Variants in SLC39A3 observed in about 807,000 individuals in gnomAD.
The protein encoded by SLC39A3 is zinc transporter ZIP3.
SLC39A3 carries 3 observed loss-of-function variants against 5.1 expected under a neutral mutation model. That is an observed-to-expected ratio of 0.59 (90% CI 0.27 to 1.54). SLC39A3 has a LOEUF of 1.54. SLC39A3 is among the 40% of genes most tolerant of loss of function. The probability of loss-of-function intolerance (pLI) is 0.12; values close to 1 mark genes in which losing one functional copy is unlikely to be tolerated. For synonymous variants in SLC39A3, 250 were observed against 218.8 expected, an observed-to-expected ratio of 1.14 and a Z score of -1.26; for missense variants, 412 against 436.4, an observed-to-expected ratio of 0.94 and a Z score of 0.50.
intron 1 of SLC39A3, among the ~76,000 whole-genome samples, chr19:2,738,402 A>T (rs1373926913): frequency 1.3e-5 from 2 of 151,960 alleles, no homozygotes; most frequent in African/African-American, 4.8e-5. Context: ...CCCGAAATAA[A>T]GTCTAAACTC....
chr19:2,739,183 G>A (rs963984450), intron 1 of SLC39A3, among the ~76,000 whole-genome samples: 1 of 150,292 alleles, frequency 6.7e-6, no homozygotes, highest in African/African-American at 2.5e-5. Flanking sequence ...TGTACCCGCC[G>A]GAAGGCCTGC....
chr19:2,737,467 G>A (rs1914408114), intron 1 of SLC39A3, 88 bp from the exon 2 acceptor site: 2 of 861,660 alleles, frequency 2.3e-6, no homozygotes, highest in Non-Finnish European at 1.7e-6. Context: ...CCAGGCTGGA[G>A]TGCAATGGTG....
chr19:2,739,055 G>A lies in SLC39A3; in HGVS notation c.-123+890C>T, dbSNP rs145469576. 1.1e-3 allele frequency among the ~76,000 whole-genome samples: 153 copies of A among 136,304 alleles called. 1 individual carries two copies. The East Asian group carries it at 0.032, about 29-fold the overall frequency. 89.4% of individuals were successfully genotyped at this position (136,304 alleles called of 152,430 possible). On this transcript the variant is annotated intron_variant, in intron 1 of 2. Coordinates refer to ENST00000269740, the MANE Select transcript of SLC39A3 (RefSeq NM_144564.5). ...GTGGAGCTTGCAGTGAGCCGAGATC[G>A]CGCCATTGTACTCCAGCCTGGGCTG... is the stretch of plus-strand genomic sequence containing the variant.
At chr19:2,737,462 C>A (rs1377659692) in intron 1 of SLC39A3, 83 bp from the exon 2 acceptor site, 7 of 991,274 alleles carry the variant, frequency 7.1e-6, no homozygotes, top group South Asian at 1.8e-5. Flanking sequence ...TGTTGCCAGG[C>A]TGGAGTGCAA....
Position 2,733,015 on chromosome 19 carries a change from C to A in SLC39A3, c.681G>T (p.Arg227=), listed in dbSNP as rs749216889. The A allele has an allele frequency of 6.2e-7, 1 of 1,602,442 alleles. No homozygotes were observed. ...ISMARSAMPL[R]DAAKLAVTVS... ...CGGTGACCGCCAGCTTGGCCGCGTCCCGCAGGGGCATGGCACTCCGGGCCA... is the reference window on the plus strand; with the variant it reads ...CGGTGACCGCCAGCTTGGCCGCGTCACGCAGGGGCATGGCACTCCGGGCCA... The change falls in exon 3 of 3, where the codon CGG becomes CGT. Residue 227 remains arginine (R), a synonymous_variant. Transcript: ENST00000269740. This position sits in a 1 kb window ranked among gnomAD's most constrained non-coding sequence, Gnocchi z 6.1.
chr19:2,734,815 C>T lies in SLC39A3; in HGVS notation c.211-1330G>A. Reference sequence around the variant, plus strand: ...ACTTAACTCCCTCACTGACCACCGGCTGGAGGCCTCATGCATGCCTCGCTT... The same window carrying T: ...ACTTAACTCCCTCACTGACCACCGGTTGGAGGCCTCATGCATGCCTCGCTT... On this transcript the variant is annotated intron_variant, in intron 2 of 2. Transcript: ENST00000269740. This position sits in a 1 kb window ranked among gnomAD's most constrained non-coding sequence, Gnocchi z 4.6. 1.0e-6 allele frequency: 1 copy of T among 985,518 alleles called. No individual in the cohort carries two copies. Among genetic ancestry groups the T allele is most frequent in the Non-Finnish European group, 1.2e-6 (1 of 829,974 alleles). 61.0% of individuals were successfully genotyped at this position (985,518 alleles called of 1,614,324 possible).
chr19:2,734,211 G>A lies in SLC39A3; in HGVS notation c.211-726C>T, dbSNP rs1357025607. ...CGCCAGGATGAAATGTCTCATGAAA[G>A]GCAGGCTGTAAACGCCCACAACAGC... On this transcript the variant is annotated intron_variant, in intron 2 of 2. Coordinates refer to ENST00000269740, the MANE Select transcript of SLC39A3 (RefSeq NM_144564.5). This position sits in a 1 kb window ranked among gnomAD's most constrained non-coding sequence, Gnocchi z 4.6. Among the ~76,000 whole-genome samples the A allele has an allele frequency of 1.3e-5, 2 of 152,244 alleles. No individual in the cohort carries two copies. The highest frequency in any genetic ancestry group is 4.8e-5 in the African/African-American group (2 of 41,454).
rs769054198 is a variant in SLC39A3 at position 2,737,179 on chromosome 19, C to A, written c.79G>T (p.Val27Leu). 2 of 1,614,122 alleles carry A rather than the reference C, an allele frequency of 1.2e-6. No individual in the cohort carries two copies. The highest frequency in any genetic ancestry group is 1.7e-6 in the Non-Finnish European group (2 of 1,180,024). The change falls in exon 2 of 3, where the codon GTG becomes TTG. Residue 27 changes from valine (V) to leucine (L), a missense_variant. By Grantham distance (32) the Val-to-Leu change is conservative (BLOSUM62 1). Coordinates refer to ENST00000269740, the MANE Select transcript of SLC39A3 (RefSeq NM_144564.5). Reference sequence around the variant, plus strand: ...TCAAAATCTGTCTCGATGATCTTCACGGGGAGCAGGGAGCCGAGCAGCATG... The same window carrying A: ...TCAAAATCTGTCTCGATGATCTTCAAGGGGAGCAGGGAGCCGAGCAGCATG... ...FFMLLGSLLP[V>L]KIIETDFEKA...
chr19:2,738,766 G>A (rs112907816), intron 1 of SLC39A3, among the ~76,000 whole-genome samples: 2,764 of 152,116 alleles, frequency 0.018, 79 homozygotes, highest in African/African-American at 0.063. Flanking sequence ...GTGAAACACT[G>A]TCTCTACTAA....
Position 2,734,682 on chromosome 19 carries a change from C to A in SLC39A3, c.211-1197G>T. On this transcript the variant is annotated intron_variant, in intron 2 of 2. Transcript: ENST00000269740. This position sits in a 1 kb window ranked among gnomAD's most constrained non-coding sequence, Gnocchi z 4.6. ...CCCACTCCAGGCCAGGAGCACCCCCCATCGTGACAACCACAATGTCCCCAG... is the reference window on the plus strand; with the variant it reads ...CCCACTCCAGGCCAGGAGCACCCCCAATCGTGACAACCACAATGTCCCCAG... 4 of 960,366 alleles carry A rather than the reference C, an allele frequency of 4.2e-6. No homozygotes were observed. Among genetic ancestry groups the A allele is most frequent in the Non-Finnish European group, 5.0e-6 (4 of 807,294 alleles). 59.5% of individuals were successfully genotyped at this position (960,366 alleles called of 1,614,324 possible). A position where few individuals can be genotyped will look rare whatever the true frequency, so the allele number is the denominator to read the frequency against.
Position 2,737,175 on chromosome 19 carries a change from T to C in SLC39A3, c.83A>G (p.Lys28Arg). Residue 28 changes from lysine (K) to arginine (R), a missense_variant, in exon 2 of 3, where the codon AAG (lysine) becomes AGG (arginine). Coordinates refer to ENST00000269740, the MANE Select transcript of SLC39A3 (RefSeq NM_144564.5). Reference sequence around the variant, plus strand: ...CTTCTCAAAATCTGTCTCGATGATCTTCACGGGGAGCAGGGAGCCGAGCAG... The same window carrying C: ...CTTCTCAAAATCTGTCTCGATGATCCTCACGGGGAGCAGGGAGCCGAGCAG... ...FMLLGSLLPVKIIETDFEKAH... is the reference protein window; with the variant it reads ...FMLLGSLLPVRIIETDFEKAH... 6.2e-7 allele frequency: 1 copy of C among 1,614,132 alleles called. No individual in the cohort carries two copies. The highest frequency in any genetic ancestry group is 8.5e-7 in the Non-Finnish European group (1 of 1,180,038).
In SLC39A3 at chr19:2,737,264, G is replaced by A. The variant is rs368717950; in HGVS notation, c.-7C>T. The A allele has an allele frequency of 3.8e-5, 61 of 1,605,590 alleles. 1 individual carries two copies. Among genetic ancestry groups the A allele is most frequent in the Non-Finnish European group, 4.5e-5 (53 of 1,175,966 alleles). On this transcript the variant is annotated 5_prime_UTR_variant, in exon 2 of 3. Coordinates refer to ENST00000269740, the MANE Select transcript of SLC39A3 (RefSeq NM_144564.5). ...CCACTAGCAATTTCACCATGGTGGCGGCTTGGGCTGCTCTGGTCACTGCAG... is the reference window on the plus strand; with the variant it reads ...CCACTAGCAATTTCACCATGGTGGCAGCTTGGGCTGCTCTGGTCACTGCAG...
chr19:2,736,133 G>T (rs1226912504), intron 2 of SLC39A3: 6 of 985,394 alleles, frequency 6.1e-6, no homozygotes, highest in East Asian at 1.1e-4. Flanking sequence ...CTGCTGATAT[G>T]GGGGAGCTCA....
chr19:2,738,408 A>G (rs1914445241), intron 1 of SLC39A3, among the ~76,000 whole-genome samples: 1 of 151,818 alleles, frequency 6.6e-6, no homozygotes, highest in African/African-American at 2.4e-5. Flanking sequence ...ATAAAGTCTA[A>G]ACTCTGTACC....
chr19:2,734,681 C>T lies in SLC39A3; in HGVS notation c.211-1196G>A, dbSNP rs941139490. 2 of 957,866 alleles carry T rather than the reference C, an allele frequency of 2.1e-6. No homozygotes were observed. Among genetic ancestry groups the T allele is most frequent in the Non-Finnish European group, 2.5e-6 (2 of 804,798 alleles). The allele number at this position is 957,866 out of a possible 1,614,324, so 59.3% of individuals were successfully genotyped here. The stretch of plus-strand genomic sequence containing the variant: ...ACCCACTCCAGGCCAGGAGCACCCC[C>T]CATCGTGACAACCACAATGTCCCCA... On this transcript the variant is annotated intron_variant, in intron 2 of 2. Coordinates refer to ENST00000269740, the MANE Select transcript of SLC39A3 (RefSeq NM_144564.5). This position sits in a 1 kb window ranked among gnomAD's most constrained non-coding sequence, Gnocchi z 4.6.
rs572938432 is a variant in SLC39A3 at position 2,732,550 on chromosome 19, A to C, written c.*201T>G. The C allele has an allele frequency of 2.8e-6, 4 of 1,427,736 alleles. No individual in the cohort carries two copies. The African/African-American group carries it at 4.3e-5, about 15-fold the overall frequency. 88.4% of individuals were successfully genotyped at this position (1,427,736 alleles called of 1,614,324 possible). A position where few individuals can be genotyped will look rare whatever the true frequency, so the allele number is the denominator to read the frequency against. ...TTGGTAAAGACTTTTAAGAGAAAGA[A>C]GTATTTTAAAAAGTAGCAGTGCTCT... is the stretch of plus-strand genomic sequence containing the variant. On this transcript the variant is annotated 3_prime_UTR_variant, in exon 3 of 3. Transcript: ENST00000269740.
Position 2,733,759 on chromosome 19 carries a change from T to C in SLC39A3, c.211-274A>G, listed in dbSNP as rs1038071265. ...GAGTTCGAGACCAGCCTGGCCAATA[T>C]GGGGAAACATGTTTCTACTAAAAAT... On this transcript the variant is annotated intron_variant, in intron 2 of 2. Coordinates refer to ENST00000269740, the MANE Select transcript of SLC39A3 (RefSeq NM_144564.5). This position sits in a 1 kb window ranked among gnomAD's most constrained non-coding sequence, Gnocchi z 6.1. Among the ~76,000 whole-genome samples the C allele has an allele frequency of 6.6e-6, 1 of 151,970 alleles. No individual in the cohort carries two copies. Among genetic ancestry groups the C allele is most frequent in the Admixed American group, 6.6e-5 (1 of 15,254 alleles).
In SLC39A3 at chr19:2,732,732, G is replaced by C. The variant is rs1914234615; in HGVS notation, c.*19C>G. The C allele has an allele frequency of 7.9e-6, 12 of 1,520,858 alleles. 1 individual carries two copies. The highest frequency in any genetic ancestry group is 1.1e-5 in the Non-Finnish European group (12 of 1,135,392). 94.2% of individuals were successfully genotyped at this position (1,520,858 alleles called of 1,614,324 possible). A position where few individuals can be genotyped will look rare whatever the true frequency, so the allele number is the denominator to read the frequency against. Reference sequence around the variant, plus strand: ...GGGCTCCCGGCGGGCTCCGGCGGCAGGGACAATGGCGAGGCCGCTCACCAC... The same window carrying C: ...GGGCTCCCGGCGGGCTCCGGCGGCACGGACAATGGCGAGGCCGCTCACCAC... On this transcript the variant is annotated 3_prime_UTR_variant, in exon 3 of 3. Coordinates refer to ENST00000269740, the MANE Select transcript of SLC39A3 (RefSeq NM_144564.5).
rs1219050709 is a variant in SLC39A3, at chr19:2,732,529, TAA to T, written c.*220_*221del. ...GGTTGACATGGCCACACAGCTTTGG[TAA>T]AGACTTTTAAGAGAAAGAAGTATTT... On this transcript the variant is annotated 3_prime_UTR_variant, in exon 3 of 3. Coordinates refer to ENST00000269740, the MANE Select transcript of SLC39A3 (RefSeq NM_144564.5). 1 of 1,430,606 alleles carries T rather than the reference TAA, an allele frequency of 7.0e-7. No individual in the cohort carries two copies. Among genetic ancestry groups the T allele is most frequent in the African/African-American group, 1.4e-5 (1 of 69,512 alleles). 88.6% of individuals were successfully genotyped at this position (1,430,606 alleles called of 1,614,324 possible).
Sources: allele counts gnomAD v4.1 joint callset (sites outside exome capture counted in the v4.1 genomes callset), GRCh38; gene constraint gnomAD v4.1.1; non-coding constraint Gnocchi (gnomAD v3.1); transcripts MANE v1.5; gene names NCBI Gene and HGNC (gene_info 2026-07-23, HGNC 2026-07-21).